The following PRKCB variants were observed in gnomAD, a reference collection of about 807,000 sequenced individuals.
The protein encoded by PRKCB is protein kinase C beta type.
Under a neutral mutation model 81.5 loss-of-function variants are expected in PRKCB, and 13 were observed. The observed-to-expected ratio is 0.16, with a 90% CI of 0.10 to 0.25. The LOEUF is 0.25. Among genes scored for constraint, PRKCB ranks in the 10% least tolerant of loss-of-function variants. The pLI is 1.00. For synonymous variants in PRKCB, 335 were observed against 321.4 expected, an observed-to-expected ratio of 1.04 and a Z score of -0.45; for missense variants, 509 against 875.7, an observed-to-expected ratio of 0.58 and a Z score of 5.29.
intron 3 of PRKCB, among the ~76,000 whole-genome samples, chr16:24,001,517 A>T (rs1965034244): frequency 6.6e-6 from 1 of 152,250 alleles, no homozygotes; most frequent in South Asian, 2.1e-4. Context: ...GTATACATTA[A>T]AGTATGTAAA....
chr16:23,891,411 T>C (rs901142507), intron 2 of PRKCB, among the ~76,000 whole-genome samples: 3 of 152,124 alleles, frequency 2.0e-5, no homozygotes, highest in African/African-American at 7.2e-5. Context: ...TTATGAGTGA[T>C]GTGTGTGTAT....
chr16:23,905,996 A>G (rs1272564289), intron 2 of PRKCB, among the ~76,000 whole-genome samples: 1 of 152,210 alleles, frequency 6.6e-6, no homozygotes, highest in Non-Finnish European at 1.5e-5. Context: ...GTCTTTAGCT[A>G]TTATAAACAA....
intron 2 of PRKCB, among the ~76,000 whole-genome samples, chr16:23,915,872 T>C (rs1402158965): frequency 6.6e-6 from 1 of 152,014 alleles, no homozygotes; most frequent in Non-Finnish European, 1.5e-5. Context: ...ATCGTTAACA[T>C]TCCTGTTTAT....
At chr16:23,924,585 C>T (rs1198724261) in intron 2 of PRKCB, among the ~76,000 whole-genome samples, 1 of 151,990 alleles carries the variant, frequency 6.6e-6, no homozygotes, top group Admixed American at 6.6e-5. Context: ...TTTCAATACC[C>T]AAACACAAGC....
chr16:24,193,448 T>TAAATAAATAAATAAATAAATA (rs1356059598), intron 16 of PRKCB, among the ~76,000 whole-genome samples: 8 of 1,562 alleles, frequency 5.1e-3, no homozygotes, highest in African/African-American at 0.05. Flanking sequence ...CCATCTCAAA[T>TAAATAAATAAATAAATAAATA]AAATAAATAA....
chr16:24,095,722 T>C (rs1966430456), intron 7 of PRKCB, among the ~76,000 whole-genome samples: 2 of 152,034 alleles, frequency 1.3e-5, no homozygotes, highest in South Asian at 4.2e-4. Context: ...ACAACAAATT[T>C]CTTTCAAAGT....
At chr16:24,184,934 A>G (rs567323005) in intron 13 of PRKCB, among the ~76,000 whole-genome samples, 177 bp from the exon 14 acceptor site, 2 of 152,222 alleles carry the variant, frequency 1.3e-5, no homozygotes, top group Non-Finnish European at 1.5e-5. Flanking sequence ...TGTGACAGCC[A>G]CAGGTGTTTG....
chr16:23,982,845 C>T (rs1964756530), intron 2 of PRKCB, among the ~76,000 whole-genome samples: 1 of 152,112 alleles, frequency 6.6e-6, no homozygotes. Flanking sequence ...TTAAACAGGC[C>T]ATGTGTGCAG....
At chr16:24,190,976 T>G in intron 15 of PRKCB, 114 bp from the exon 16 acceptor site, 4 of 1,304,946 alleles carry the variant, frequency 3.1e-6, no homozygotes, top group Non-Finnish European at 4.2e-6. Flanking sequence ...CAAAAATGAG[T>G]TGAGATTCTT....
At chr16:23,979,560 C>T (rs548531556) in intron 2 of PRKCB, among the ~76,000 whole-genome samples, 43 of 151,288 alleles carry the variant, frequency 2.8e-4, no homozygotes, top group Non-Finnish European at 4.3e-4. Context: ...CTGTGGGAGT[C>T]GGGGGGAATG....
intron 2 of PRKCB, among the ~76,000 whole-genome samples, chr16:23,887,890 A>T (rs12926245): frequency 0.96 from 146,676 of 152,302 alleles, 70,672 homozygotes; most frequent in East Asian, 1. Flanking sequence ...CAGCAGGCAG[A>T]ATGCTTGAAG....
intron 9 of PRKCB, among the ~76,000 whole-genome samples, chr16:24,138,913 C>T (rs1966876542): frequency 7.2e-6 from 1 of 138,646 alleles, no homozygotes; most frequent in Non-Finnish European, 1.5e-5. Context: ...AGTGCAATGG[C>T]ACAATCTCGG....
At chr16:23,998,003 A>T (rs1274643392) in intron 3 of PRKCB, among the ~76,000 whole-genome samples, 2 of 152,232 alleles carry the variant, frequency 1.3e-5, no homozygotes, top group African/African-American at 4.8e-5. Flanking sequence ...GGGTGTTTTC[A>T]AGAAATTATC....
chr16:24,126,609 C>G (rs1474221624), intron 9 of PRKCB, among the ~76,000 whole-genome samples: 1 of 152,140 alleles, frequency 6.6e-6, no homozygotes, highest in Non-Finnish European at 1.5e-5. Flanking sequence ...CTCTGTTGCC[C>G]AGGCTGGAGT....
chr16:23,846,059 C>G (rs1962361719), intron 2 of PRKCB, among the ~76,000 whole-genome samples: 1 of 152,212 alleles, frequency 6.6e-6, no homozygotes, highest in Non-Finnish European at 1.5e-5. Context: ...TATTACAACT[C>G]TTCATTCCTT....
intron 2 of PRKCB, among the ~76,000 whole-genome samples, chr16:23,975,593 T>C (rs1054109784): frequency 1.3e-5 from 2 of 152,148 alleles, no homozygotes; most frequent in African/African-American, 4.8e-5. Context: ...CGCCCACGCC[T>C]GAACACCCAC....
chr16:23,839,839 CAG>C (rs1448260906), intron 2 of PRKCB, among the ~76,000 whole-genome samples: 2 of 152,220 alleles, frequency 1.3e-5, no homozygotes, highest in Non-Finnish European at 2.9e-5. Flanking sequence ...GAGCTTGACA[CAG>C]AGTATGCTCA....
Position 24,015,600 on chromosome 16 carries a change from G to A in PRKCB, c.289-16536G>A, listed in dbSNP as rs141247081. 1.9e-3 allele frequency among the ~76,000 whole-genome samples: 288 copies of A among 152,334 alleles called. 1 individual carries two copies. Among genetic ancestry groups the A allele is most frequent in the African/African-American group, 6.7e-3 (279 of 41,558 alleles). ...GCAGAGCCCCAGCTAGGTGGCCATC[G>A]CCTGGTTACACCCTCTAATTCCTTA... On this transcript the variant is annotated intron_variant, in intron 3 of 16. Coordinates refer to ENST00000643927, the MANE Select transcript of PRKCB (RefSeq NM_002738.7).
At chr16:24,165,109 C>T (rs1371096544) in intron 10 of PRKCB, among the ~76,000 whole-genome samples, 1 of 152,194 alleles carries the variant, frequency 6.6e-6, no homozygotes, top group Non-Finnish European at 1.5e-5. Context: ...GGTGCAATCA[C>T]TGCTCATTGC....
Sources: gnomAD v4.1 joint callset for allele counts (sites outside exome capture counted in the v4.1 genomes callset) on GRCh38, gnomAD v4.1.1 for gene constraint, MANE v1.5 for transcripts, NCBI Gene and HGNC (gene_info 2026-07-23, HGNC 2026-07-21) for gene names.